Variants in DAB2IP observed in about 807,000 individuals in gnomAD.
DAB2IP encodes disabled homolog 2-interacting protein.
DAB2IP carries 28 observed loss-of-function variants against 107.2 expected under a neutral mutation model. The observed-to-expected ratio is 0.26, with a 90% confidence interval of 0.19 to 0.36. The LOEUF is 0.36. Among genes scored for constraint, DAB2IP ranks in the 10% least tolerant of loss-of-function variants. The pLI is 1.00. For missense variants in DAB2IP, 1,400 were observed against 1,644.7 expected (o/e 0.85, Z 2.57); for synonymous variants, 755 against 706.4 (o/e 1.07, Z -1.09).
intron 1 of DAB2IP, among the ~76,000 whole-genome samples, chr9:121,657,788 A>G (rs549028799): frequency 2.0e-5 from 3 of 152,282 alleles, no homozygotes; most frequent in South Asian, 2.1e-4. Context: ...TGTACTTACT[A>G]AGACCTGGGG....
At position 121,776,340 on chromosome 9, in the gene DAB2IP, T is replaced by TGCG; in HGVS notation, c.3269_3271dup (p.Arg1090dup). On this transcript the variant is annotated inframe_insertion, in exon 14 of 16. Coordinates refer to ENST00000408936, the Ensembl canonical transcript of DAB2IP. The surrounding 1 kb of genome is among the most constrained non-coding windows in gnomAD (Gnocchi z 5.4). ...CGGCTGGAGGAGGGCGAGGAGCGGC[T>TGCG]GCGGCGGCAGCAGGAGGACAAGGAC... 1 of 1,555,094 alleles carries TGCG rather than the reference T, an allele frequency of 6.4e-7. No homozygotes were observed. The highest frequency in any genetic ancestry group is 8.7e-7 in the Non-Finnish European group (1 of 1,149,248).
At chr9:121,614,515 A>G (rs1221560300) in intron 1 of DAB2IP, among the ~76,000 whole-genome samples, 2 of 148,384 alleles carry the variant, frequency 1.3e-5, no homozygotes, top group African/African-American at 5.0e-5. Context: ...TAATTTTTGT[A>G]TTTTCAGTAG....
At chr9:121,593,309 C>T (rs867210914) in intron 1 of DAB2IP, among the ~76,000 whole-genome samples, 12 of 152,134 alleles carry the variant, frequency 7.9e-5, no homozygotes, top group Middle Eastern at 3.2e-3. Flanking sequence ...ACTTTGTTGT[C>T]CAGGCTAGAG....
chr9:121,644,860 C>T (rs2119045305), intron 1 of DAB2IP, among the ~76,000 whole-genome samples: 1 of 152,308 alleles, frequency 6.6e-6, no homozygotes, highest in Middle Eastern at 3.4e-3. Flanking sequence ...TGAATGGGGG[C>T]TTCCTAGGAG....
At chr9:121,645,879 T>C (rs1416983909) in intron 1 of DAB2IP, among the ~76,000 whole-genome samples, 1 of 152,068 alleles carries the variant, frequency 6.6e-6, no homozygotes, top group Admixed American at 6.5e-5. Flanking sequence ...CTTTGGGGAA[T>C]GGGGAGATTT....
At chr9:121,650,988 T>G (rs1017026501), upstream of DAB2IP, among the ~76,000 whole-genome samples, 1 of 151,996 alleles carries the variant, frequency 6.6e-6, no homozygotes. Context: ...TTGGAGAAAG[T>G]TTTTCAGCCA....
chr9:121,619,815 A>G (rs1250231535), intron 1 of DAB2IP, among the ~76,000 whole-genome samples: 2 of 152,198 alleles, frequency 1.3e-5, no homozygotes, highest in Non-Finnish European at 2.9e-5. Context: ...TAGCTTAGGT[A>G]TTAGGTACTA....
At chr9:121,632,297 C>G (rs1442043491) in intron 1 of DAB2IP, among the ~76,000 whole-genome samples, 1 of 152,216 alleles carries the variant, frequency 6.6e-6, no homozygotes, top group Non-Finnish European at 1.5e-5. Context: ...CAGCACAGTT[C>G]CTGGCACAGA....
At position 121,579,955 on chromosome 9, in the gene DAB2IP, A is replaced by G. The variant is rs530446866; in HGVS notation, c.40+12727A>G. Among the ~76,000 whole-genome samples, 8 of 152,332 alleles carry G rather than the reference A, an allele frequency of 5.3e-5. No homozygotes were observed. The East Asian group carries it at 1.5e-3, about 29-fold the overall frequency. ...CGGGGGAAGGAAACCTCAATCTTCC[A>G]GAAAGTTCTAATCCTTCATCTGCCT... On this transcript the variant is annotated intron_variant, in intron 1 of 16. Transcript: ENST00000259371.
At position 121,742,715 on chromosome 9, in the gene DAB2IP, T is replaced by TGCACCTGCCTTTTCTTCCCC. The variant is rs1488663681; in HGVS notation, c.363-14294_363-14275dup. On this transcript the variant is annotated intron_variant, in intron 3 of 15. Transcript: ENST00000408936. ...GTTGCCCCCATCTGCCTTGGTTCCC[T>TGCACCTGCCTTTTCTTCCCC]GCACCTGCCTTTTCTTCCCCGCATC... 3 of 985,520 alleles carry TGCACCTGCCTTTTCTTCCCC rather than the reference T, an allele frequency of 3.0e-6. No homozygotes were observed. The East Asian group carries it at 3.4e-4, about 112-fold the overall frequency. The allele number at this position is 985,520 out of a possible 1,614,324, so 61.0% of individuals were successfully genotyped here.
chr9:121,676,319 T>G (rs1833902065), intron 1 of DAB2IP, among the ~76,000 whole-genome samples: 1 of 152,212 alleles, frequency 6.6e-6, no homozygotes, highest in African/African-American at 2.4e-5. Context: ...GCTCCTTGTG[T>G]GAACCCCATG....
At chr9:121,781,437 TCTGA>T (rs1189357860) in intron 14 of DAB2IP, 23 bp from the exon 15 acceptor site, 9 of 1,612,602 alleles carry the variant, frequency 5.6e-6, no homozygotes, top group South Asian at 2.2e-5. Flanking sequence ...CCAGGGCCAG[TCTGA>T]CTGTCTCTGT....
At chr9:121,766,504 C>A (rs769184160) in exon 9 of DAB2IP, 7 of 1,606,824 alleles carry the variant, frequency 4.4e-6, no homozygotes, top group Non-Finnish European at 5.9e-6. Flanking sequence ...TGTCTTCCCA[C>A]GGGAGTTGAA....
Position 121,684,025 on chromosome 9 carries a change from G to A in DAB2IP, c.228+5244G>A, listed in dbSNP as rs544313396. Among the ~76,000 whole-genome samples, 5 of 152,208 alleles carry A rather than the reference G, an allele frequency of 3.3e-5. No individual in the cohort carries two copies. In the South Asian group the frequency reaches 1.0e-3, roughly 32 times the overall value. ...CCACAGTGGATGATGGCTGTGAGTG[G>A]AGCTAGCAGTAGACCTCTGAGCTGT... is the stretch of plus-strand genomic sequence containing the variant. On this transcript the variant is annotated intron_variant, in intron 2 of 15. Transcript: ENST00000408936. This position sits in a 1 kb window ranked among gnomAD's most constrained non-coding sequence, Gnocchi z 4.0.
chr9:121,594,430 T>TAA, intron 1 of DAB2IP, among the ~76,000 whole-genome samples: 2 of 151,720 alleles, frequency 1.3e-5, no homozygotes, highest in Non-Finnish European at 2.9e-5. Flanking sequence ...AGAGATGAGG[T>TAA]TTCACCATGT....
rs1829836940 is a variant in DAB2IP at position 121,702,418 on chromosome 9, G to A, written c.362+2960G>A. On this transcript the variant is annotated intron_variant, in intron 3 of 15. Coordinates refer to ENST00000408936, the Ensembl canonical transcript of DAB2IP. This position sits in a 1 kb window ranked among gnomAD's most constrained non-coding sequence, Gnocchi z 4.5. ...GGGCTCTGGGGGCTGGGGGCTGTAG[G>A]ACAGGCTTGAGCCTTCGGACTTATT... 6.6e-6 allele frequency among the ~76,000 whole-genome samples: 1 copy of A among 152,150 alleles called. No homozygotes were observed. The highest frequency in any genetic ancestry group is 1.5e-5 in the Non-Finnish European group (1 of 68,022).
intron 1 of DAB2IP, among the ~76,000 whole-genome samples, chr9:121,643,896 G>A (rs1376823340): frequency 6.6e-6 from 1 of 152,238 alleles, no homozygotes; most frequent in Non-Finnish European, 1.5e-5. Flanking sequence ...GGCTAGGCAT[G>A]GTGGCTCAAA....
intron 1 of DAB2IP, among the ~76,000 whole-genome samples, chr9:121,657,663 C>T (rs1404981148): frequency 2.0e-5 from 3 of 152,128 alleles, no homozygotes; most frequent in Admixed American, 1.3e-4. Flanking sequence ...CCCAGGGCTC[C>T]CTCTAACTTT....
chr9:121,653,726 T>A (rs10818582), intron 1 of DAB2IP, among the ~76,000 whole-genome samples: 1 of 151,540 alleles, frequency 6.6e-6, no homozygotes, highest in African/African-American at 2.4e-5. Context: ...AATGGGAGTC[T>A]CGCTCCTGTT....
Sources: gnomAD v4.1 joint callset for allele counts (sites outside exome capture counted in the v4.1 genomes callset) on GRCh38, gnomAD v4.1.1 for gene constraint, Gnocchi (gnomAD v3.1) non-coding constraint, MANE v1.5 for transcripts, NCBI Gene and HGNC (gene_info 2026-07-23, HGNC 2026-07-21) for gene names.